CDC42SE2: variants seen among roughly 807,000 people sequenced by gnomAD.
CDC42SE2 encodes the protein CDC42 small effector protein 2.
Under a neutral mutation model 11.5 loss-of-function variants are expected in CDC42SE2, and 3 were observed. The ratio of observed to expected loss-of-function variants is 0.26; its 90% CI spans 0.12 to 0.67. The LOEUF (loss-of-function observed/expected upper bound fraction) is 0.67, where lower values mean the gene tolerates loss of function less well. Among genes scored for constraint, CDC42SE2 ranks in the 30% least tolerant of loss-of-function variants. The pLI, the probability that CDC42SE2 is intolerant of heterozygous loss-of-function variation, is 0.80. For missense variants in CDC42SE2, 82 were observed against 106.8 expected, an observed-to-expected ratio of 0.77 and a Z score of 1.02; for synonymous variants, 33 against 34.8, an observed-to-expected ratio of 0.95 and a Z score of 0.18.
chr5:131,235,537 C>G, the CDC42SE2 span, among the ~76,000 whole-genome samples: 1 of 152,044 alleles, frequency 6.6e-6, no homozygotes, highest in South Asian at 2.1e-4. Context: ...ATCCACCCAC[C>G]TCAGCCTCCA....
At chr5:131,266,127 T>C (rs1020882556) in intron 1 of CDC42SE2, among the ~76,000 whole-genome samples, 5 of 152,208 alleles carry the variant, frequency 3.3e-5, no homozygotes, top group African/African-American at 1.2e-4. Flanking sequence ...GTATTGCAAC[T>C]GTGATAAAAC....
chr5:131,287,507 C>T (rs115576259), intron 1 of CDC42SE2, among the ~76,000 whole-genome samples: 173 of 151,140 alleles, frequency 1.1e-3, no homozygotes, highest in African/African-American at 3.9e-3. Context: ...CTCTGATGCC[C>T]AGGCGAGTGC....
chr5:131,268,237 AT>A (rs1249629937), intron 1 of CDC42SE2, among the ~76,000 whole-genome samples: 2 of 149,054 alleles, frequency 1.3e-5, no homozygotes, highest in Non-Finnish European at 3.0e-5. Flanking sequence ...TAATTTCTAT[AT>A]TTTTAGTAAA....
chr5:131,275,763 T>G (rs1300681789), intron 1 of CDC42SE2, among the ~76,000 whole-genome samples: 1 of 152,174 alleles, frequency 6.6e-6, no homozygotes, highest in Non-Finnish European at 1.5e-5. Context: ...CTGTGCATTT[T>G]TTTTTGAAAG....
intron 2 of CDC42SE2, among the ~76,000 whole-genome samples, chr5:131,353,400 GCCA>G (rs1370204197): frequency 6.6e-6 from 1 of 151,802 alleles, no homozygotes; most frequent in East Asian, 1.9e-4. Context: ...TTGTGCCTCA[GCCA>G]CCTGAGTAGC....
At chr5:131,276,144 G>T (rs567390828) in intron 1 of CDC42SE2, among the ~76,000 whole-genome samples, 1 of 150,752 alleles carries the variant, frequency 6.6e-6, no homozygotes, top group South Asian at 2.1e-4. Flanking sequence ...TTTGCTGTTG[G>T]TTGATTAAGA....
chr5:131,292,106 G>A (rs376431583), intron 1 of CDC42SE2, among the ~76,000 whole-genome samples: 2 of 151,678 alleles, frequency 1.3e-5, no homozygotes, highest in African/African-American at 4.8e-5. Flanking sequence ...AGGCATGGTG[G>A]CGCATGCCTG....
At chr5:131,362,189 C>G (rs1189417991) in intron 3 of CDC42SE2, among the ~76,000 whole-genome samples, 1 of 152,138 alleles carries the variant, frequency 6.6e-6, no homozygotes, top group Non-Finnish European at 1.5e-5. Flanking sequence ...CTTCCCTTCC[C>G]AGCACTCCCG....
At chr5:131,319,937 G>C (rs578102037) in intron 2 of CDC42SE2, among the ~76,000 whole-genome samples, 2 of 150,856 alleles carry the variant, frequency 1.3e-5, no homozygotes, top group East Asian at 3.9e-4. Context: ...TGTAGTTCCA[G>C]CTACTCGGGA....
intron 1 of CDC42SE2, among the ~76,000 whole-genome samples, chr5:131,304,122 G>C (rs1757736144): frequency 6.6e-6 from 1 of 151,896 alleles, no homozygotes; most frequent in Non-Finnish European, 1.5e-5. Flanking sequence ...ACCATGCCAG[G>C]CTAATTTATT....
At chr5:131,257,106 G>A (rs1756684799) in intron 2 of CDC42SE2, among the ~76,000 whole-genome samples, 1 of 152,132 alleles carries the variant, frequency 6.6e-6, no homozygotes, top group Non-Finnish European at 1.5e-5. Flanking sequence ...CAGCTACCCA[G>A]CCCAGCTAGT....
chr5:131,268,358 C>T (rs1363106959), intron 1 of CDC42SE2, among the ~76,000 whole-genome samples: 5 of 151,478 alleles, frequency 3.3e-5, no homozygotes, highest in Admixed American at 1.3e-4. Context: ...CCACCGTGCC[C>T]GGTCAAGCTT....
At chr5:131,233,477 C>G in the CDC42SE2 span, among the ~76,000 whole-genome samples, 1 of 152,186 alleles carries the variant, frequency 6.6e-6, no homozygotes, top group Non-Finnish European at 1.5e-5. Flanking sequence ...AAGTGATTCT[C>G]CTGCCTCAGT....
At chr5:131,314,732 T>C (rs571629324) in intron 1 of CDC42SE2, among the ~76,000 whole-genome samples, 3 of 152,298 alleles carry the variant, frequency 2.0e-5, no homozygotes, top group African/African-American at 7.2e-5. Context: ...GTTGAAGAAA[T>C]GTGTAAGTTT....
intron 1 of CDC42SE2, among the ~76,000 whole-genome samples, chr5:131,310,683 TC>T (rs1201615732): frequency 6.6e-6 from 1 of 152,196 alleles, no homozygotes; most frequent in Non-Finnish European, 1.5e-5. Context: ...GTTGAATTGA[TC>T]CCTTTACCAT....
At chr5:131,342,820 C>T (rs1758745163) in intron 2 of CDC42SE2, among the ~76,000 whole-genome samples, 2 of 152,066 alleles carry the variant, frequency 1.3e-5, no homozygotes. Context: ...TCAAGTGATT[C>T]TTGTGCCTCA....
At chr5:131,353,803 T>A (rs1749449135) in intron 2 of CDC42SE2, among the ~76,000 whole-genome samples, 1 of 151,952 alleles carries the variant, frequency 6.6e-6, no homozygotes, top group South Asian at 2.1e-4. Flanking sequence ...CAGCATGTAC[T>A]CAGGAGGCTG....
rs1488736451 is a variant in CDC42SE2 at position 131,392,086 on chromosome 5, A to C, written c.*995A>C. 1 of 152,560 alleles carries C rather than the reference A, an allele frequency of 6.6e-6. No homozygotes were observed. Among genetic ancestry groups the C allele is most frequent in the Middle Eastern group, 3.2e-3 (1 of 314 alleles). The allele number at this position is 152,560 out of a possible 1,614,324, so 9.5% of individuals were successfully genotyped here. A position where few individuals can be genotyped will look rare whatever the true frequency, so the allele number is the denominator to read the frequency against. On this transcript the variant is annotated 3_prime_UTR_variant, in exon 5 of 5. Coordinates refer to ENST00000505065, the MANE Select transcript of CDC42SE2 (RefSeq NM_001375635.1). Reference sequence around the variant, plus strand: ...GATTGTCACTGAATTTTCAATGTTTAATCAGTATGGATCTGATCTTCGCAT... The same window carrying C: ...GATTGTCACTGAATTTTCAATGTTTCATCAGTATGGATCTGATCTTCGCAT...
At chr5:131,325,964 G>A (rs1321962057) in intron 2 of CDC42SE2, among the ~76,000 whole-genome samples, 1 of 152,162 alleles carries the variant, frequency 6.6e-6, no homozygotes, top group African/African-American at 2.4e-5. Context: ...AATTGGTTCA[G>A]GAGTGACCAA....
Sources: gnomAD v4.1 joint callset for allele counts (sites outside exome capture counted in the v4.1 genomes callset) on GRCh38, gnomAD v4.1.1 for gene constraint, MANE v1.5 for transcripts, NCBI Gene and HGNC (gene_info 2026-07-23, HGNC 2026-07-21) for gene names.